ATP10A: variants seen among roughly 807,000 people sequenced by gnomAD.
ATP10A encodes ATPase phospholipid transporting 10A (putative).
Under a neutral mutation model 147.8 loss-of-function variants are expected in ATP10A, and 111 were observed. The ratio of observed to expected loss-of-function variants is 0.75; its 90% confidence interval spans 0.64 to 0.88. The LOEUF (loss-of-function observed/expected upper bound fraction) is 0.88. ATP10A is among the 40% of genes least tolerant of loss of function. ATP10A has a pLI of 0.00. For missense variants in ATP10A, 1,927 were observed against 1,959.0 expected (o/e 0.98, Z 0.31); for synonymous variants, 875 against 841.6 (o/e 1.04, Z -0.69).
chr15:25,702,929 T>G (rs1029007754), intron 12 of ATP10A, among the ~76,000 whole-genome samples: 1 of 152,128 alleles, frequency 6.6e-6, no homozygotes, highest in East Asian at 1.9e-4. Context: ...TGAGCGTTTG[T>G]GTCCCCCAGA....
At chr15:25,813,199 A>C (rs1336235722) in intron 1 of ATP10A, among the ~76,000 whole-genome samples, 1 of 152,166 alleles carries the variant, frequency 6.6e-6, no homozygotes, top group Non-Finnish European at 1.5e-5. Flanking sequence ...AAGCAAAGGA[A>C]AGTTTATCTG....
At chr15:25,832,777 C>T (rs77942364) in intron 1 of ATP10A, among the ~76,000 whole-genome samples, 6,141 of 152,032 alleles carry the variant, frequency 0.04, 132 homozygotes, top group South Asian at 0.058. Context: ...CTATAGTTAA[C>T]AGTAATTTAG....
rs564177565 is a variant in ATP10A at position 25,850,366 on chromosome 15, G to A, written c.449+12282C>T. ...CCAAGGTGCAGCACTGGAGATGACC[G>A]AGACAGACAGCGTGGATGCGTTTTG... On this transcript the variant is annotated intron_variant, in intron 1 of 20. Transcript: ENST00000555815. Among the ~76,000 whole-genome samples, 3 of 152,268 alleles carry A rather than the reference G, an allele frequency of 2.0e-5. No homozygotes were observed. In the South Asian group the frequency reaches 6.2e-4, roughly 32 times the overall value.
intron 2 of ATP10A, among the ~76,000 whole-genome samples, chr15:25,772,282 C>A (rs1450236370): frequency 6.6e-6 from 1 of 152,136 alleles, no homozygotes; most frequent in Non-Finnish European, 1.5e-5. Context: ...GCTCTCTCCT[C>A]CGAACGTCCC....
At chr15:25,860,603 A>C (rs1276018742) in intron 1 of ATP10A, among the ~76,000 whole-genome samples, 2 of 152,202 alleles carry the variant, frequency 1.3e-5, no homozygotes, top group Non-Finnish European at 2.9e-5. Context: ...CAGTTCCTTC[A>C]GTAAGGAAGA....
chr15:25,764,047 C>T (rs1288854061), intron 2 of ATP10A, among the ~76,000 whole-genome samples: 2 of 152,152 alleles, frequency 1.3e-5, no homozygotes, highest in African/African-American at 2.4e-5. Flanking sequence ...AGGTGACACC[C>T]ATGCAATGCA....
chr15:25,788,917 T>C (rs1890289128), intron 1 of ATP10A, among the ~76,000 whole-genome samples: 1 of 152,226 alleles, frequency 6.6e-6, no homozygotes, highest in Non-Finnish European at 1.5e-5. Flanking sequence ...AAAATCCGGA[T>C]GCTTTGTGCC....
chr15:25,856,600 C>T (rs1380734038), intron 1 of ATP10A, among the ~76,000 whole-genome samples: 1 of 152,108 alleles, frequency 6.6e-6, no homozygotes. Context: ...AAAAGTATTT[C>T]CTATAATAAA....
rs1302707752 is a variant in ATP10A, at chr15:25,863,253, G to C, written c.-157C>G. 2 of 356,450 alleles carry C rather than the reference G, an allele frequency of 5.6e-6. No individual in the cohort carries two copies. Among genetic ancestry groups the C allele is most frequent in the Non-Finnish European group, 8.0e-6 (2 of 249,698 alleles). The allele number at this position is 356,450 out of a possible 1,614,324, so 22.1% of individuals were successfully genotyped here. ...CAGCGCGCCGCCTGGCCGGCCCAGCGCGCCCAGCCCGCGCCCAGCCCCGTC... is the reference window on the plus strand; with the variant it reads ...CAGCGCGCCGCCTGGCCGGCCCAGCCCGCCCAGCCCGCGCCCAGCCCCGTC... On this transcript the variant is annotated 5_prime_UTR_variant, in exon 1 of 21. Transcript: ENST00000555815.
intron 5 of ATP10A, among the ~76,000 whole-genome samples, chr15:25,724,787 G>A (rs867530257): frequency 3.1e-4 from 47 of 152,158 alleles, no homozygotes; most frequent in African/African-American, 1.0e-3. Context: ...CTAAGAAATC[G>A]TCAGTTCAGA....
At chr15:25,733,282 C>T (rs922964921) in intron 3 of ATP10A, among the ~76,000 whole-genome samples, 23 of 152,144 alleles carry the variant, frequency 1.5e-4, no homozygotes, top group Admixed American at 1.2e-3. Context: ...AGCAGATCTA[C>T]CTCCCAACTT....
chr15:25,700,976 G>T, intron 13 of ATP10A, among the ~76,000 whole-genome samples: 1 of 151,898 alleles, frequency 6.6e-6, no homozygotes, highest in South Asian at 2.1e-4. Flanking sequence ...GAAGCAGGGT[G>T]ACCTTGCATA....
intron 1 of ATP10A, among the ~76,000 whole-genome samples, chr15:25,788,977 A>G (rs79463529): frequency 1.2e-3 from 184 of 152,224 alleles, no homozygotes; most frequent in African/African-American, 4.3e-3. Context: ...TTTGTTTTTG[A>G]GACAGGGTCT....
At chr15:25,811,943 C>A (rs1481321802) in intron 1 of ATP10A, among the ~76,000 whole-genome samples, 1 of 152,240 alleles carries the variant, frequency 6.6e-6, no homozygotes, top group Non-Finnish European at 1.5e-5. Context: ...CGGCTGGAAG[C>A]TGCCAGTGGG....
At chr15:25,761,816 G>T (rs561060092) in intron 2 of ATP10A, among the ~76,000 whole-genome samples, 1 of 152,290 alleles carries the variant, frequency 6.6e-6, no homozygotes, top group Non-Finnish European at 1.5e-5. Context: ...AGGCAGAAGG[G>T]ACTTGCTTTG....
At position 25,740,482 on chromosome 15, in the gene ATP10A, G is replaced by T. The variant is rs994088799; in HGVS notation, c.655-4341C>A. Among the ~76,000 whole-genome samples the T allele has an allele frequency of 3.9e-5, 6 of 152,318 alleles. No individual in the cohort carries two copies. The South Asian group carries it at 1.2e-3, about 32-fold the overall frequency. On this transcript the variant is annotated intron_variant, in intron 2 of 20. Transcript: ENST00000555815. ...GCACAGAGAGCAGGGGCCAGCACCT[G>T]CCAGCCAGGCAGGGCCACCGCCTGC...
At chr15:25,707,887 AGCAGCC>A (rs1901135987) in intron 12 of ATP10A, 83 bp downstream of exon 12, 2 of 1,540,836 alleles carry the variant, frequency 1.3e-6, no homozygotes, top group Non-Finnish European at 1.8e-6. Context: ...CAGCCTGCGG[AGCAGCC>A]GCTGACAAGA....
chr15:25,722,651 C>T (rs1006908517), intron 6 of ATP10A, among the ~76,000 whole-genome samples: 14 of 152,154 alleles, frequency 9.2e-5, no homozygotes, highest in Non-Finnish European at 1.5e-5. Flanking sequence ...TAACTCGAGG[C>T]TAGAACAAAA....
At chr15:25,817,200 A>C (rs1891698353) in intron 1 of ATP10A, among the ~76,000 whole-genome samples, 1 of 152,154 alleles carries the variant, frequency 6.6e-6, no homozygotes, top group African/African-American at 2.4e-5. Flanking sequence ...CTCCTGCCTC[A>C]GCCTCCCAAA....
Sources: allele counts gnomAD v4.1 joint callset (sites outside exome capture counted in the v4.1 genomes callset), GRCh38; gene constraint gnomAD v4.1.1; transcripts MANE v1.5; gene names NCBI Gene and HGNC (gene_info 2026-07-23, HGNC 2026-07-21).